The following WWOX variants were observed in gnomAD, a reference collection of about 807,000 sequenced individuals.
WWOX encodes the protein WW domain containing oxidoreductase.
A neutral mutation model predicts 46.2 loss-of-function variants in WWOX; 69 were observed. The observed-to-expected ratio is 1.49, with a 90% CI of 1.23 to 1.82. The LOEUF (loss-of-function observed/expected upper bound fraction) is 1.82. Ranked by LOEUF, WWOX falls within the 40% of genes most tolerant of loss-of-function variation. The pLI, the probability that WWOX is intolerant of heterozygous loss-of-function variation, is 0.00. For synonymous variants in WWOX, 359 were observed against 202.6 expected (o/e 1.77, Z -6.56); for missense variants, 919 against 542.6 (o/e 1.69, Z -6.89).
At chr16:78,108,563 C>G in intron 2 of WWOX, 76 bp downstream of exon 2, 4 of 1,542,948 alleles carry the variant, frequency 2.6e-6, no homozygotes, top group Non-Finnish European at 3.6e-6. Context: ...AGAGAGGTGA[C>G]AGGTTATTGT....
chr16:78,622,138 A>G (rs1052020068), intron 8 of WWOX, among the ~76,000 whole-genome samples: 1 of 152,176 alleles, frequency 6.6e-6, no homozygotes, highest in Non-Finnish European at 1.5e-5. Flanking sequence ...TTGAAAAGAT[A>G]TGACTATTGG....
chr16:78,280,161 T>C (rs1187987148), intron 5 of WWOX, among the ~76,000 whole-genome samples: 1 of 152,250 alleles, frequency 6.6e-6, no homozygotes, highest in East Asian at 1.9e-4. Flanking sequence ...AAATTAAATA[T>C]GTTCTTCAGG....
chr16:78,569,579 T>C (rs1313321017), intron 8 of WWOX, among the ~76,000 whole-genome samples: 1 of 152,246 alleles, frequency 6.6e-6, no homozygotes, highest in Non-Finnish European at 1.5e-5. Flanking sequence ...TTTCAAATTT[T>C]GAAAATTGCC....
In WWOX at chr16:78,587,097, C is replaced by G. The variant is rs577027463; in HGVS notation, c.1056+154345C>G. On this transcript the variant is annotated intron_variant, in intron 8 of 8. Transcript: ENST00000566780. ...CTGGAGTGCAGTGGCGTGATCACAG[C>G]CCACTGTAGCCTTGACCTCCCAGGC... Among the ~76,000 whole-genome samples, 7 of 151,998 alleles carry G rather than the reference C, an allele frequency of 4.6e-5. No homozygotes were observed. The South Asian group carries it at 1.5e-3, about 32-fold the overall frequency.
Position 78,983,178 on chromosome 16 carries a change from G to A in WWOX, c.1057-228430G>A, listed in dbSNP as rs140962575. The stretch of plus-strand genomic sequence containing the variant: ...CTCCATCGTTAGGAATTCCTTCATA[G>A]AATCAAAGAATCAGAAAGAGCTGAA... On this transcript the variant is annotated intron_variant, in intron 8 of 8. Transcript: ENST00000566780. Among the ~76,000 whole-genome samples the A allele has an allele frequency of 2.1e-3, 324 of 152,224 alleles. 1 individual carries two copies. Among genetic ancestry groups the A allele is most frequent in the African/African-American group, 7.4e-3 (309 of 41,534 alleles).
chr16:78,654,024 A>G (rs1387747591), intron 8 of WWOX, among the ~76,000 whole-genome samples: 1 of 152,210 alleles, frequency 6.6e-6, no homozygotes, highest in Non-Finnish European at 1.5e-5. Context: ...CAGCTTTGGG[A>G]ACCCCAACTA....
At chr16:78,601,238 A>G (rs2045614858) in intron 8 of WWOX, among the ~76,000 whole-genome samples, 1 of 151,974 alleles carries the variant, frequency 6.6e-6, no homozygotes, top group Non-Finnish European at 1.5e-5. Context: ...TATTTTACTC[A>G]CCCAGAAGGA....
At chr16:79,078,484 A>G (rs550804452) in intron 8 of WWOX, among the ~76,000 whole-genome samples, 2 of 152,250 alleles carry the variant, frequency 1.3e-5, no homozygotes, top group African/African-American at 2.4e-5. Flanking sequence ...ATGCCACGCA[A>G]CATTTCTCTC....
At chr16:78,908,506 C>T (rs534184763) in intron 8 of WWOX, among the ~76,000 whole-genome samples, 3 of 150,484 alleles carry the variant, frequency 2.0e-5, no homozygotes, top group South Asian at 4.3e-4. Flanking sequence ...CACCACTGCA[C>T]TCCAGCCTGG....
intron 8 of WWOX, among the ~76,000 whole-genome samples, chr16:78,645,322 A>C (rs1291570978): frequency 6.6e-6 from 1 of 152,082 alleles, no homozygotes; most frequent in African/African-American, 2.4e-5. Flanking sequence ...CAATGCTTTA[A>C]CAAATGACCA....
intron 8 of WWOX, among the ~76,000 whole-genome samples, chr16:78,559,124 G>T (rs991040268): frequency 1.4e-4 from 21 of 152,216 alleles, no homozygotes; most frequent in African/African-American, 4.8e-4. Flanking sequence ...GGTGAGCTTG[G>T]AGATAGAGCT....
chr16:78,910,941 C>T (rs575801314), intron 8 of WWOX, among the ~76,000 whole-genome samples: 52 of 152,090 alleles, frequency 3.4e-4, no homozygotes, highest in African/African-American at 1.1e-3. Context: ...TTAGCCTTTC[C>T]ATCATGTTTA....
intron 8 of WWOX, among the ~76,000 whole-genome samples, chr16:79,036,243 A>G (rs557490196): frequency 2.6e-5 from 4 of 152,270 alleles, no homozygotes; most frequent in African/African-American, 9.6e-5. Flanking sequence ...TCTGTCAACC[A>G]TGCCATGGGG....
At chr16:78,963,669 A>G (rs182067321) in intron 8 of WWOX, among the ~76,000 whole-genome samples, 1 of 152,326 alleles carries the variant, frequency 6.6e-6, no homozygotes, top group Non-Finnish European at 1.5e-5. Context: ...GCCAACATGC[A>G]TTGAGTATGG....
In WWOX at chr16:78,348,230, C is replaced by T. The variant is rs188431303; in HGVS notation, c.517-38630C>T. On this transcript the variant is annotated intron_variant, in intron 5 of 8. Transcript: ENST00000566780. ...CAAGGCAGAAGCCCAGAAGAGACTT[C>T]ATGTACTGTGACTGTAATAAAGAGG... is the stretch of plus-strand genomic sequence containing the variant. 3.3e-5 allele frequency among the ~76,000 whole-genome samples: 4 copies of T among 121,412 alleles called. No individual in the cohort carries two copies. In the East Asian group the frequency reaches 7.7e-4, roughly 23 times the overall value. 79.7% of individuals were successfully genotyped at this position (121,412 alleles called of 152,430 possible).
intron 8 of WWOX, among the ~76,000 whole-genome samples, chr16:78,574,380 G>A (rs1297501532): frequency 1.3e-5 from 2 of 152,042 alleles, no homozygotes; most frequent in Non-Finnish European, 2.9e-5. Context: ...GATTATGTGG[G>A]GCCACCTTAC....
At chr16:79,090,869 C>G (rs536480495) in intron 8 of WWOX, among the ~76,000 whole-genome samples, 1 of 152,356 alleles carries the variant, frequency 6.6e-6, no homozygotes, top group African/African-American at 2.4e-5. Context: ...TCTCAGCTCA[C>G]TGCAACCTTT....
chr16:78,983,254 C>G (rs967097101), intron 8 of WWOX, among the ~76,000 whole-genome samples: 1 of 152,150 alleles, frequency 6.6e-6, no homozygotes, highest in Non-Finnish European at 1.5e-5. Flanking sequence ...ATGGGAAAAC[C>G]TAAGCTGAAG....
intron 8 of WWOX, among the ~76,000 whole-genome samples, chr16:79,153,752 T>TG (rs1567585668): frequency 3.9e-5 from 6 of 151,994 alleles, no homozygotes; most frequent in African/African-American, 1.5e-4. Context: ...CATCTGTTTT[T>TG]TGGGGGGGGT....
Sources: allele counts gnomAD v4.1 joint callset (sites outside exome capture counted in the v4.1 genomes callset), GRCh38; gene constraint gnomAD v4.1.1; transcripts MANE v1.5; gene names NCBI Gene and HGNC (gene_info 2026-07-23, HGNC 2026-07-21).